Variants in CRLF1 observed in about 807,000 individuals in gnomAD.
CRLF1 encodes the protein cytokine receptor-like factor 1.
A neutral mutation model predicts 48.9 loss-of-function variants in CRLF1; 36 were observed. The ratio of observed to expected loss-of-function variants is 0.74; its 90% CI spans 0.56 to 0.97. The LOEUF is 0.97. Ranked by LOEUF, CRLF1 falls within the 50% of genes least tolerant of loss-of-function variation. The pLI is 0.00. For synonymous variants in CRLF1, 256 were observed against 253.4 expected (o/e 1.01, Z -0.10); for missense variants, 534 against 575.1 (o/e 0.93, Z 0.73).
At position 18,598,520 on chromosome 19, in the gene CRLF1, G is replaced by C; in HGVS notation, c.609C>G (p.Leu203=). 6.2e-7 allele frequency: 1 copy of C among 1,614,144 alleles called. No homozygotes were observed. The highest frequency in any genetic ancestry group is 1.3e-5 in the African/African-American group (1 of 75,038). The change falls in exon 4 of 9, where the codon CTC becomes CTG. Residue 203 remains leucine (L), a synonymous_variant. Transcript: ENST00000392386. ...HSCHIPKDLA[L]FTPYEIWVEA... ...CCACCCAGATCTCATAGGGCGTAAA[G>C]AGAGCCAGGTCCTTGGGGATGTGGC...
At chr19:18,596,470 G>T in intron 6 of CRLF1, 152 bp downstream of exon 6, 2 of 966,218 alleles carry the variant, frequency 2.1e-6, no homozygotes, top group Non-Finnish European at 3.0e-6. Context: ...AAACCGGGAG[G>T]CAGAGGTTGC....
intron 1 of CRLF1, among the ~76,000 whole-genome samples, chr19:18,603,437 G>T (rs1339386969): frequency 6.6e-6 from 1 of 152,224 alleles, no homozygotes; most frequent in Non-Finnish European, 1.5e-5. Context: ...TGGGGCAGAA[G>T]CGGTGGGAAA....
intron 7 of CRLF1, 32 bp from the exon 8 acceptor site, chr19:18,594,139 G>A (rs1976096295): frequency 2.5e-6 from 4 of 1,586,104 alleles, no homozygotes; most frequent in Non-Finnish European, 3.4e-6. Context: ...AGGTGTCGTG[G>A]GGGCTGCAGA....
chr19:18,605,081 G>A (rs1255480459), intron 1 of CRLF1, among the ~76,000 whole-genome samples: 1 of 152,110 alleles, frequency 6.6e-6, no homozygotes, highest in Non-Finnish European at 1.5e-5. Context: ...ACATATTGCC[G>A]AGGTGTGAGA....
rs148744429 is a variant in CRLF1, at chr19:18,597,846, G to T, written c.697+586C>A. ...TAGGATGTGGGGAAGAGTGAGGCAG[G>T]CTGCGGGGGCAGGGATGGGGGCTAC... On this transcript the variant is annotated intron_variant, in intron 4 of 8. Transcript: ENST00000392386. 5.9e-5 allele frequency among the ~76,000 whole-genome samples: 9 copies of T among 152,170 alleles called. No homozygotes were observed. In the East Asian group the frequency reaches 1.7e-3, roughly 29 times the overall value.
chr19:18,594,032 T>TTGCGG, intron 8 of CRLF1, 33 bp downstream of exon 8: 4 of 695,814 alleles, frequency 5.7e-6, no homozygotes, highest in African/African-American at 2.1e-5. Context: ...CTCCCCTTGC[T>TTGCGG]CCCTCCCGCC....
At chr19:18,599,869 G>A in intron 1 of CRLF1, 23 bp from the exon 2 acceptor site, 1 of 1,503,018 alleles carries the variant, frequency 6.7e-7, no homozygotes, top group Non-Finnish European at 8.9e-7. Context: ...AGGAACACGT[G>A]TCAGGCCAGG....
Position 18,598,467 on chromosome 19 carries a change from C to T in CRLF1, c.662G>A (p.Arg221His), listed in dbSNP as rs771905543. The part of the protein sequence containing the change: ...VEATNRLGSA[R>H]SDVLTLDILD... ...GATATCCAGCGTGAGTACATCGGAGCGGGCAGAGCCCAGGCGGTTGGTGGC... is the reference window on the plus strand; with the variant it reads ...GATATCCAGCGTGAGTACATCGGAGTGGGCAGAGCCCAGGCGGTTGGTGGC... The change falls in exon 4 of 9, where the codon CGC (arginine) becomes CAC (histidine). Residue 221 changes from arginine (R) to histidine (H), a missense_variant. Transcript: ENST00000392386. 7.4e-6 allele frequency: 12 copies of T among 1,613,890 alleles called. No homozygotes were observed. Among genetic ancestry groups the T allele is most frequent in the African/African-American group, 1.3e-5 (1 of 74,894 alleles).
chr19:18,601,424 A>G (rs1976220060), intron 1 of CRLF1, among the ~76,000 whole-genome samples: 1 of 151,976 alleles, frequency 6.6e-6, no homozygotes, highest in African/African-American at 2.4e-5. Flanking sequence ...TTACAGGCAC[A>G]CATCACCGTG....
At chr19:18,603,950 C>G (rs1026912019) in intron 1 of CRLF1, among the ~76,000 whole-genome samples, 1 of 152,204 alleles carries the variant, frequency 6.6e-6, no homozygotes, top group South Asian at 2.1e-4. Flanking sequence ...GCCAGCCGCC[C>G]GCTAATTCGG....
chr19:18,593,923 A>T, intron 8 of CRLF1, 142 bp downstream of exon 8: 1 of 1,472,048 alleles, frequency 6.8e-7, no homozygotes. Context: ...AATGCTGATG[A>T]ATAACAAAGG....
chr19:18,596,840 G>A (rs755209911), intron 5 of CRLF1, 50 bp from the exon 6 acceptor site: 52 of 1,612,772 alleles, frequency 3.2e-5, no homozygotes, highest in Middle Eastern at 1.6e-4. Flanking sequence ...TAGCAGGAGC[G>A]GGGGCGGGGC....
At chr19:18,600,138 CAT>C (rs1331182898) in intron 1 of CRLF1, among the ~76,000 whole-genome samples, 5 of 152,168 alleles carry the variant, frequency 3.3e-5, no homozygotes, top group African/African-American at 1.2e-4. Context: ...ACAACTCGGG[CAT>C]AGAGGCTCAT....
chr19:18,598,932 C>T (rs1319150501), intron 2 of CRLF1, 31 bp from the exon 3 acceptor site: 3 of 1,612,432 alleles, frequency 1.9e-6, no homozygotes, highest in Non-Finnish European at 2.5e-6. Context: ...AGGAAGCAGG[C>T]TGAGGGTCTG....
chr19:18,600,863 G>T (rs1600654965), intron 1 of CRLF1, among the ~76,000 whole-genome samples: 2 of 152,218 alleles, frequency 1.3e-5, no homozygotes, highest in South Asian at 4.2e-4. Flanking sequence ...GAGTGCAGTG[G>T]CACGATCATA....
At chr19:18,593,672 C>T (rs1277169833) in intron 8 of CRLF1, 93 bp from the exon 9 acceptor site, 4 of 1,549,350 alleles carry the variant, frequency 2.6e-6, no homozygotes, top group Admixed American at 2.0e-5. Flanking sequence ...TGTCCTGTCC[C>T]CACCGCTTCT....
At chr19:18,599,162 A>C in intron 2 of CRLF1, 3 of 960,752 alleles carry the variant, frequency 3.1e-6, no homozygotes, top group Non-Finnish European at 3.7e-6. Context: ...CTGGAGTGCA[A>C]TGGTGCCATC....
At chr19:18,593,989 T>C (rs1472446135) in intron 8 of CRLF1, 76 bp downstream of exon 8, 2 of 1,520,122 alleles carry the variant, frequency 1.3e-6, no homozygotes, top group Non-Finnish European at 1.8e-6. Context: ...GGCGTGGGGG[T>C]GTGAACAAGA....
rs78233897 is a variant in CRLF1, at chr19:18,601,853, T to TA, written c.116-2008dup. Among the ~76,000 whole-genome samples, 186 of 152,306 alleles carry TA rather than the reference T, an allele frequency of 1.2e-3. 5 individuals are homozygous for TA. The East Asian group carries it at 0.034, about 28-fold the overall frequency. On this transcript the variant is annotated intron_variant, in intron 1 of 8. Coordinates refer to ENST00000392386, the MANE Select transcript of CRLF1 (RefSeq NM_004750.5). ...TCCTTGCTGGAATGAGGGAAGGCCA[T>TA]ACTAGTTAGGCCCAGATTTTCTGGT...
Sources: gnomAD v4.1 joint callset for allele counts (sites outside exome capture counted in the v4.1 genomes callset) on GRCh38, gnomAD v4.1.1 for gene constraint, MANE v1.5 for transcripts, NCBI Gene and HGNC (gene_info 2026-07-23, HGNC 2026-07-21) for gene names.